FRMD8: variants seen among roughly 807,000 people sequenced by gnomAD.
FRMD8 encodes the protein FERM domain-containing protein 8.
In FRMD8, 37 loss-of-function variants were observed where a neutral mutation model predicts 54.2. The ratio of observed to expected loss-of-function variants is 0.68; its 90% CI spans 0.53 to 0.90. The LOEUF (loss-of-function observed/expected upper bound fraction) is 0.90. FRMD8 is among the 40% of genes least tolerant of loss of function. The pLI is 0.00. For synonymous variants in FRMD8, 246 were observed against 286.9 expected, an observed-to-expected ratio of 0.86 and a Z score of 1.44; for missense variants, 585 against 653.7, an observed-to-expected ratio of 0.89 and a Z score of 1.15.
intron 6 of FRMD8, 64 bp downstream of exon 6, chr11:65,394,489 T>A: frequency 1.3e-6 from 2 of 1,515,100 alleles, no homozygotes; most frequent in Non-Finnish European, 1.8e-6. Flanking sequence ...GGAATGGAAC[T>A]TACAAGCAGT....
chr11:65,413,431 T>C lies in FRMD8; in HGVS notation c.*2071T>C, dbSNP rs1856380864. On this transcript the variant is annotated 3_prime_UTR_variant, in exon 11 of 11. Coordinates refer to ENST00000317568, the MANE Select transcript of FRMD8 (RefSeq NM_031904.5). ...GCATCCATTGTGCCTTAACATTTTC[T>C]GCTTGTCCTTTGGGACAAAGCAGTA... The C allele has an allele frequency of 6.6e-6, 1 of 152,270 alleles. No homozygotes were observed. Among genetic ancestry groups the C allele is most frequent in the Non-Finnish European group, 1.5e-5 (1 of 68,046 alleles). The allele number at this position is 152,270 out of a possible 1,614,324, so 9.4% of individuals were successfully genotyped here. A position where few individuals can be genotyped will look rare whatever the true frequency, so the allele number is the denominator to read the frequency against.
chr11:65,409,624 G>A (rs974513838), intron 10 of FRMD8, among the ~76,000 whole-genome samples: 1 of 152,006 alleles, frequency 6.6e-6, no homozygotes, highest in African/African-American at 2.4e-5. Flanking sequence ...AGATTAGCAG[G>A]GCATGGTGGC....
intron 1 of FRMD8, 65 bp downstream of exon 1, chr11:65,386,826 T>A (rs1260467533): frequency 5.3e-6 from 3 of 569,952 alleles, no homozygotes; most frequent in Non-Finnish European, 6.2e-6. Flanking sequence ...TTGCCCTGCC[T>A]GGGCATCCAG....
At chr11:65,377,527 T>C in the FRMD8 span, 5 of 569,474 alleles carry the variant, frequency 8.8e-6, no homozygotes, top group East Asian at 2.8e-4. Context: ...TGAGTGCTGT[T>C]CTCCTGCGCC....
chr11:65,377,465 C>T, the FRMD8 span: 8 of 995,786 alleles, frequency 8.0e-6, no homozygotes, highest in Non-Finnish European at 9.7e-6. Context: ...CAGCCTGTGA[C>T]TGTGAAATAG....
chr11:65,394,308 A>G lies in FRMD8; in HGVS notation c.464A>G (p.Asn155Ser). 2 of 1,591,608 alleles carry G rather than the reference A, an allele frequency of 1.3e-6. No individual in the cohort carries two copies. Among genetic ancestry groups the G allele is most frequent in the South Asian group, 1.1e-5 (1 of 87,956 alleles). Residue 155 changes from asparagine to serine, a missense_variant, in exon 6 of 11, where the codon AAC (asparagine) becomes AGC (serine). Asn to Ser is a conservative substitution (Grantham distance 46). Transcript: ENST00000317568. ...CTGCTCTATGAGGAGGCCAAGGGCAACGTGCTGGCTGCACGGTACCCGTGC... is the reference window on the plus strand; with the variant it reads ...CTGCTCTATGAGGAGGCCAAGGGCAGCGTGCTGGCTGCACGGTACCCGTGC... Reference protein sequence around the residue: ...LRLLYEEAKGNVLAARYPCDV... With the variant: ...LRLLYEEAKGSVLAARYPCDV...
At chr11:65,376,319 G>T in the FRMD8 span, 2 of 1,487,234 alleles carry the variant, frequency 1.3e-6, no homozygotes, top group East Asian at 2.4e-5. Context: ...CTCTTGCACT[G>T]ATTTGCAAGC....
At chr11:65,410,529 G>A (rs1358083558) in intron 10 of FRMD8, among the ~76,000 whole-genome samples, 3 of 151,230 alleles carry the variant, frequency 2.0e-5, no homozygotes, top group East Asian at 3.9e-4. Flanking sequence ...AGTGGCTCAC[G>A]CCTGTAATCC....
intron 6 of FRMD8, 132 bp downstream of exon 6, chr11:65,394,557 G>C: frequency 8.2e-6 from 9 of 1,095,364 alleles, no homozygotes; most frequent in Non-Finnish European, 9.0e-6. Flanking sequence ...AGCCCCGCAG[G>C]CTCACTCTGG....
chr11:65,396,436 C>T (rs1274632442), intron 6 of FRMD8, among the ~76,000 whole-genome samples: 1 of 152,158 alleles, frequency 6.6e-6, no homozygotes, highest in Non-Finnish European at 1.5e-5. Context: ...AATCCTTGGC[C>T]TGCACCTGGA....
intron 10 of FRMD8, among the ~76,000 whole-genome samples, chr11:65,405,653 G>A (rs1193930497): frequency 6.6e-6 from 1 of 151,898 alleles, no homozygotes; most frequent in East Asian, 1.9e-4. Flanking sequence ...ATAAAGCGTT[G>A]GGTAAATCAC....
intron 7 of FRMD8, among the ~76,000 whole-genome samples, chr11:65,398,188 C>T (rs529366730): frequency 1.1e-4 from 16 of 152,040 alleles, no homozygotes; most frequent in South Asian, 1.0e-3. Flanking sequence ...TTTGTAGAGA[C>T]GGGGTTTTGC....
intron 7 of FRMD8, among the ~76,000 whole-genome samples, chr11:65,397,958 C>T (rs1228199360): frequency 6.6e-6 from 1 of 150,858 alleles, no homozygotes; most frequent in Non-Finnish European, 1.5e-5. Context: ...TCACTGCAAC[C>T]TCTGCCTCCC....
At chr11:65,386,839 C>T (rs1590644667) in intron 1 of FRMD8, 78 bp downstream of exon 1, 11 of 578,444 alleles carry the variant, frequency 1.9e-5, no homozygotes, top group Non-Finnish European at 3.3e-5. Flanking sequence ...GCATCCAGGT[C>T]GACCCCCGGT....
chr11:65,387,663 C>T (rs190289214), intron 2 of FRMD8, among the ~76,000 whole-genome samples: 3 of 152,048 alleles, frequency 2.0e-5, no homozygotes, highest in African/African-American at 4.8e-5. Context: ...CTCAGCCTCC[C>T]GAGTAGCTAG....
At chr11:65,379,903 G>T in the FRMD8 span, 3 of 1,614,092 alleles carry the variant, frequency 1.9e-6, no homozygotes, top group Non-Finnish European at 1.7e-6. Context: ...TGCAATCAAC[G>T]ATGCCCCGGT....
chr11:65,376,655 C>T, the FRMD8 span: 1 of 1,613,784 alleles, frequency 6.2e-7, no homozygotes, highest in African/African-American at 1.3e-5. Context: ...AAGCCCCCTG[C>T]CACCAGCACC....
chr11:65,373,859 A>T, the FRMD8 span, among the ~76,000 whole-genome samples: 160 of 152,306 alleles, frequency 1.1e-3, 1 homozygote, highest in Non-Finnish European at 1.9e-3. Context: ...AAGTGCTGTA[A>T]TTACAGGTGT....
At chr11:65,377,192 C>T in the FRMD8 span, 135 of 1,458,426 alleles carry the variant, frequency 9.3e-5, 1 homozygote, top group Non-Finnish European at 1.1e-4. Context: ...CCCTCAGGAA[C>T]CCTGCCGGCA....
Sources: gnomAD v4.1 joint callset for allele counts (sites outside exome capture counted in the v4.1 genomes callset) on GRCh38, gnomAD v4.1.1 for gene constraint, MANE v1.5 for transcripts, NCBI Gene and HGNC (gene_info 2026-07-23, HGNC 2026-07-21) for gene names.